NALF1: variants seen among roughly 807,000 people sequenced by gnomAD.
NALF1 encodes the protein family with sequence similarity 155 member A.
In NALF1, 3 loss-of-function variants were observed where a neutral mutation model predicts 48.4. The observed-to-expected ratio is 0.06, with a 90% confidence interval of 0.03 to 0.16. The LOEUF is 0.16. Among genes scored for constraint, NALF1 ranks in the 10% least tolerant of loss-of-function variants. The pLI is 1.00. For missense variants in NALF1, 526 were observed against 571.5 expected, an observed-to-expected ratio of 0.92 and a Z score of 0.81; for synonymous variants, 262 against 245.7, an observed-to-expected ratio of 1.07 and a Z score of -0.62.
intron 1 of NALF1, among the ~76,000 whole-genome samples, chr13:107,367,332 C>T (rs558192032): frequency 2.1e-4 from 32 of 152,234 alleles, no homozygotes; most frequent in African/African-American, 6.3e-4. Context: ...GCACCACCAG[C>T]GGGCAATTAC....
intron 1 of NALF1, among the ~76,000 whole-genome samples, chr13:107,558,806 G>T (rs1483248972): frequency 6.6e-6 from 1 of 152,166 alleles, no homozygotes; most frequent in Non-Finnish European, 1.5e-5. Context: ...CATGTCTGTC[G>T]AGGTCCTGGA....
intron 1 of NALF1, among the ~76,000 whole-genome samples, chr13:107,740,009 T>A (rs1876586765): frequency 1.3e-5 from 2 of 152,114 alleles, no homozygotes; most frequent in African/African-American, 4.8e-5. Flanking sequence ...TATGGTGAGA[T>A]CCATATTATG....
chr13:107,481,361 AATAAT>A (rs1196567849), intron 1 of NALF1, among the ~76,000 whole-genome samples: 2 of 152,196 alleles, frequency 1.3e-5, no homozygotes, highest in Admixed American at 1.3e-4. Flanking sequence ...ATCTTGTCAC[AATAAT>A]ATATCTCAAG....
intron 1 of NALF1, among the ~76,000 whole-genome samples, chr13:107,711,579 A>G (rs1437896044): frequency 6.6e-6 from 1 of 152,192 alleles, no homozygotes; most frequent in Admixed American, 6.5e-5. Flanking sequence ...TTAACCTAGT[A>G]TAAAGTAGAT....
chr13:107,693,160 G>A (rs1451446557), intron 1 of NALF1, among the ~76,000 whole-genome samples: 1 of 152,118 alleles, frequency 6.6e-6, no homozygotes. Context: ...TCCAGCATCT[G>A]TTGTTTCCTG....
At chr13:107,254,304 T>G (rs2138847636) in intron 1 of NALF1, among the ~76,000 whole-genome samples, 1 of 152,210 alleles carries the variant, frequency 6.6e-6, no homozygotes, top group African/African-American at 2.4e-5. Flanking sequence ...CTCTGGTTGT[T>G]GGGTGGAAAG....
intron 1 of NALF1, among the ~76,000 whole-genome samples, chr13:107,212,981 C>A (rs947173850): frequency 1.3e-5 from 2 of 152,046 alleles, no homozygotes; most frequent in Admixed American, 1.3e-4. Flanking sequence ...TCACACGTTG[C>A]CTTTCCACCG....
At chr13:107,413,798 A>G (rs1391251496) in intron 1 of NALF1, among the ~76,000 whole-genome samples, 1 of 152,036 alleles carries the variant, frequency 6.6e-6, no homozygotes, top group Admixed American at 6.6e-5. Context: ...TTAATATTTT[A>G]TTTTTTGTGA....
chr13:107,661,817 TTTTA>T (rs1233743295), intron 1 of NALF1, among the ~76,000 whole-genome samples: 1 of 152,188 alleles, frequency 6.6e-6, no homozygotes, highest in Non-Finnish European at 1.5e-5. Flanking sequence ...TTTATACATA[TTTTA>T]AGCCTGATAC....
intron 1 of NALF1, among the ~76,000 whole-genome samples, chr13:107,707,174 G>A (rs561746209): frequency 4.6e-5 from 7 of 151,634 alleles, no homozygotes; most frequent in Admixed American, 2.0e-4. Context: ...CGCCCGCCTC[G>A]GCCTCCCAAA....
At chr13:107,653,071 A>C (rs1440786737) in intron 1 of NALF1, among the ~76,000 whole-genome samples, 1 of 149,788 alleles carries the variant, frequency 6.7e-6, no homozygotes, top group African/African-American at 2.4e-5. Context: ...ATGGTAAAAC[A>C]CTCCTGGTAT....
At chr13:107,335,020 GA>G (rs1440884354) in intron 1 of NALF1, among the ~76,000 whole-genome samples, 5 of 152,028 alleles carry the variant, frequency 3.3e-5, no homozygotes, top group African/African-American at 1.2e-4. Context: ...AGAGGATGAG[GA>G]CACCTAAAGA....
chr13:107,464,528 AT>A (rs939944919), intron 1 of NALF1, among the ~76,000 whole-genome samples: 2 of 150,902 alleles, frequency 1.3e-5, no homozygotes, highest in African/African-American at 4.9e-5. Flanking sequence ...TTTTTTTTTA[AT>A]TTTTTTTTGA....
intron 1 of NALF1, among the ~76,000 whole-genome samples, chr13:107,832,067 A>G (rs1879749901): frequency 6.6e-6 from 1 of 152,144 alleles, no homozygotes; most frequent in South Asian, 2.1e-4. Context: ...TTTTGTGATT[A>G]TCTTTTAAAC....
chr13:107,797,632 C>CA (rs1878470547), intron 1 of NALF1, among the ~76,000 whole-genome samples: 1 of 152,140 alleles, frequency 6.6e-6, no homozygotes, highest in Admixed American at 6.6e-5. Context: ...TCAATGAACA[C>CA]AACACATCTT....
chr13:107,276,047 G>C (rs1594100620), intron 1 of NALF1, among the ~76,000 whole-genome samples: 1 of 152,082 alleles, frequency 6.6e-6, no homozygotes, highest in Non-Finnish European at 1.5e-5. Flanking sequence ...CAGCATGACG[G>C]ATCCAAGAGA....
At chr13:107,666,167 A>G (rs1237879333) in intron 1 of NALF1, among the ~76,000 whole-genome samples, 1 of 152,154 alleles carries the variant, frequency 6.6e-6, no homozygotes, top group Non-Finnish European at 1.5e-5. Context: ...TTTTCTGCTA[A>G]AGCTTTGGCT....
At position 107,241,590 on chromosome 13, in the gene NALF1, A is replaced by G. The variant is rs564606101; in HGVS notation, c.916-30835T>C. ...TAAAAACAGGCTCATCATGACACTT[A>G]GCACTTCAGTTGCTGTGAGGATTTA... On this transcript the variant is annotated intron_variant, in intron 1 of 2. Coordinates refer to ENST00000375915, the MANE Select transcript of NALF1 (RefSeq NM_001080396.3). 5.1e-4 allele frequency among the ~76,000 whole-genome samples: 77 copies of G among 152,294 alleles called. 1 individual carries two copies. In the Middle Eastern group the frequency reaches 0.01, roughly 20 times the overall value.
chr13:107,266,422 T>C (rs1292746378), intron 1 of NALF1, among the ~76,000 whole-genome samples: 2 of 152,254 alleles, frequency 1.3e-5, no homozygotes, highest in African/African-American at 4.8e-5. Context: ...CCTGTACTGT[T>C]GACAAGGTTT....
Sources: gnomAD v4.1 joint callset for allele counts (sites outside exome capture counted in the v4.1 genomes callset) on GRCh38, gnomAD v4.1.1 for gene constraint, MANE v1.5 for transcripts, NCBI Gene and HGNC (gene_info 2026-07-23, HGNC 2026-07-21) for gene names.